COL18A1: variants seen among roughly 807,000 people sequenced by gnomAD.
COL18A1 encodes collagen type XVIII alpha 1 chain, also known as collagen alpha-1(XVIII) chain.
A neutral mutation model predicts 168.0 loss-of-function variants in COL18A1; 133 were observed. The observed-to-expected ratio is 0.79, with a 90% CI of 0.69 to 0.91. The LOEUF (loss-of-function observed/expected upper bound fraction) is 0.91, where lower values mean the gene tolerates loss of function less well. Ranked by LOEUF, COL18A1 falls within the 40% of genes least tolerant of loss-of-function variation. The pLI is 0.00. For synonymous variants in COL18A1, 949 were observed against 809.0 expected (o/e 1.17, Z -2.94); for missense variants, 2,126 against 1,925.4 (o/e 1.10, Z -1.95).
chr21:45,512,603 G>A lies in COL18A1; in HGVS notation c.*205G>A, dbSNP rs2037676719. On this transcript the variant is annotated 3_prime_UTR_variant, in exon 42 of 42. Transcript: ENST00000651438. ...AAGTTTAAAACAGAAGCCTGATGCTGACATTCACCTGCCCCAACTCTCCCC... is the reference window on the plus strand; with the variant it reads ...AAGTTTAAAACAGAAGCCTGATGCTAACATTCACCTGCCCCAACTCTCCCC... The A allele has an allele frequency of 3.2e-6, 2 of 617,150 alleles. No individual in the cohort carries two copies. The highest frequency in any genetic ancestry group is 2.8e-5 in the Admixed American group (1 of 35,224). 38.2% of individuals were successfully genotyped at this position (617,150 alleles called of 1,614,324 possible).
intron 2 of COL18A1, among the ~76,000 whole-genome samples, chr21:45,438,260 A>T (rs868373021): frequency 7.0e-5 from 6 of 85,290 alleles, no homozygotes; most frequent in East Asian, 3.9e-4. Context: ...ACACACACAC[A>T]CTCACACTCA....
At chr21:45,435,019 C>G (rs981612345) in intron 2 of COL18A1, among the ~76,000 whole-genome samples, 2 of 152,078 alleles carry the variant, frequency 1.3e-5, no homozygotes, top group African/African-American at 4.8e-5. Flanking sequence ...GAGGGACGTG[C>G]TCAGTGGGAT....
At chr21:45,429,009 T>G (rs532708403) in intron 2 of COL18A1, among the ~76,000 whole-genome samples, 1 of 152,064 alleles carries the variant, frequency 6.6e-6, no homozygotes, top group East Asian at 1.9e-4. Context: ...TTCAACTGAT[T>G]CTTTTGCCTC....
At chr21:45,436,874 TG>T (rs2034117274) in intron 2 of COL18A1, among the ~76,000 whole-genome samples, 1 of 19,850 alleles carries the variant, frequency 5.0e-5, no homozygotes, top group African/African-American at 2.4e-4. Context: ...AGTTGCTGGC[TG>T]GGGGGCAGCC....
At position 45,482,468 on chromosome 21, in the gene COL18A1, C is replaced by T. The variant is rs116869393; in HGVS notation, c.1675-327C>T. Reference sequence around the variant, plus strand: ...GCACTGCTTTGGACTGAGCAGGGGACGCGGGCTGTAAATGCCCCTCACTGC... The same window carrying T: ...GCACTGCTTTGGACTGAGCAGGGGATGCGGGCTGTAAATGCCCCTCACTGC... On this transcript the variant is annotated intron_variant, in intron 14 of 41. Transcript: ENST00000651438. 5,193 of 555,718 alleles carry T rather than the reference C, an allele frequency of 9.3e-3. 35 individuals are homozygous for T. Among genetic ancestry groups the T allele is most frequent in the Middle Eastern group, 0.03 (78 of 2,586 alleles). 34.4% of individuals were successfully genotyped at this position (555,718 alleles called of 1,614,324 possible).
In COL18A1 at chr21:45,493,526, T is replaced by C. The variant is rs746606931; in HGVS notation, c.2303T>C (p.Ile768Thr). ...GGTGAGAAGGGTGAACCGGGCAGCA[T>C]CTTCAGCCCCGACGGCGGTGCCCTG... ...PKGEKGEPGS[I>T]FSPDGGALGP... The change falls in exon 26 of 42, where the codon ATC becomes ACC. Residue 768 changes from isoleucine to threonine, a missense_variant. Transcript: ENST00000651438. The C allele has an allele frequency of 1.7e-5, 26 of 1,562,256 alleles. No individual in the cohort carries two copies. In the South Asian group the frequency reaches 2.7e-4, roughly 16 times the overall value.
intron 2 of COL18A1, chr21:45,456,380 G>A (rs1568881282): frequency 6.5e-7 from 1 of 1,549,244 alleles, no homozygotes; most frequent in South Asian, 1.2e-5. Context: ...CTTCTCCTCT[G>A]GGCTCCCGGG....
chr21:45,490,654 A>G (rs543570201), intron 20 of COL18A1, among the ~76,000 whole-genome samples, 182 bp from the exon 21 acceptor site: 230 of 107,762 alleles, frequency 2.1e-3, no homozygotes, highest in African/African-American at 7.9e-3. Flanking sequence ...CCGTGTGCCC[A>G]CTCCCGGAGC....
rs1321342796 is a variant in COL18A1, at chr21:45,405,316, CGG to C, written c.12-62_12-61del. On this transcript the variant is annotated intron_variant, in intron 1 of 41. Coordinates refer to ENST00000651438, the MANE Select transcript of COL18A1 (RefSeq NM_001379500.1). ...CGGGGGTCGCGGGGGTCGCGGGGCTCGGCCGGGTCCTGCGGGGGTCGCGGGGG... is the reference window on the plus strand; with the variant it reads ...CGGGGGTCGCGGGGGTCGCGGGGCTCCCGGGTCCTGCGGGGGTCGCGGGGG... The C allele has an allele frequency of 9.6e-6, 9 of 937,370 alleles. No homozygotes were observed. In the African/African-American group the frequency reaches 1.8e-4, roughly 19 times the overall value. 58.1% of individuals were successfully genotyped at this position (937,370 alleles called of 1,614,324 possible).
intron 2 of COL18A1, among the ~76,000 whole-genome samples, chr21:45,451,567 G>A (rs565275208): frequency 3.3e-5 from 5 of 152,324 alleles, no homozygotes; most frequent in African/African-American, 9.6e-5. Context: ...ACTTGTCTGC[G>A]TGGGGTTTGC....
intron 3 of COL18A1, among the ~76,000 whole-genome samples, chr21:45,469,183 C>T (rs2035323396): frequency 6.6e-6 from 1 of 152,238 alleles, no homozygotes. Context: ...AGGCCTGTGC[C>T]AAGCCCTGTG....
Position 45,501,677 on chromosome 21 carries a change from G to A in COL18A1, c.2684-2334G>A, listed in dbSNP as rs941728534. Among the ~76,000 whole-genome samples, 365 of 147,526 alleles carry A rather than the reference G, an allele frequency of 2.5e-3. 1 individual carries two copies. The highest frequency in any genetic ancestry group is 9.0e-3 in the African/African-American group (351 of 38,998). ...CCTCCACAGCCGGTCACCTCCCTCT[G>A]CAGAAGGACCCCCAGGGGCTCCACA... On this transcript the variant is annotated intron_variant, in intron 32 of 41. Coordinates refer to ENST00000651438, the MANE Select transcript of COL18A1 (RefSeq NM_001379500.1).
At position 45,504,414 on chromosome 21, in the gene COL18A1, AG is replaced by A; in HGVS notation, c.2731del. 1 of 1,611,080 alleles carries A rather than the reference AG, an allele frequency of 6.2e-7. No individual in the cohort carries two copies. Among genetic ancestry groups the A allele is most frequent in the Non-Finnish European group, 8.5e-7 (1 of 1,179,030 alleles). On this transcript the variant is annotated splice_acceptor_variant, in intron 33 of 41. Coordinates refer to ENST00000651438, the MANE Select transcript of COL18A1 (RefSeq NM_001379500.1). LOFTEE classifies it high-confidence loss of function. ...CCGTGTAACAAGTGTTTCCGTCCACAGGGGGAGAAGGGAGACCGAGGTGATG... is the reference window on the plus strand; with the variant it reads ...CCGTGTAACAAGTGTTTCCGTCCACAGGGGAGAAGGGAGACCGAGGTGATG...
chr21:45,505,202 C>T lies in COL18A1; in HGVS notation c.2937C>T (p.Gly979=). The T allele has an allele frequency of 6.2e-7, 1 of 1,603,570 alleles. No homozygotes were observed. Among genetic ancestry groups the T allele is most frequent in the South Asian group, 1.1e-5 (1 of 89,972 alleles). The part of the protein sequence containing the change: ...PPGPQGPPGI[G]YEGRQGPPGP... ...GACCTCAGGGACCCCCCGGCATCGGCTACGAGGGGCGCCAGGGCCCTCCCG... is the reference window on the plus strand; with the variant it reads ...GACCTCAGGGACCCCCCGGCATCGGTTACGAGGGGCGCCAGGGCCCTCCCG... Residue 979 remains glycine, a synonymous_variant, in exon 35 of 42, where the codon GGC becomes GGT. Coordinates refer to ENST00000651438, the MANE Select transcript of COL18A1 (RefSeq NM_001379500.1).
chr21:45,476,896 A>G (rs2035687995), intron 6 of COL18A1, among the ~76,000 whole-genome samples: 2 of 145,468 alleles, frequency 1.4e-5, no homozygotes, highest in African/African-American at 2.6e-5. Context: ...TGTAATGTAC[A>G]TGTGTGTGAT....
intron 2 of COL18A1, among the ~76,000 whole-genome samples, chr21:45,442,117 G>C (rs1197428629): frequency 2.0e-5 from 3 of 152,250 alleles, no homozygotes; most frequent in South Asian, 2.1e-4. Context: ...CAGCTCGGCT[G>C]TGCCCTTGAG....
rs764638296 is a variant in COL18A1, at chr21:45,455,812, C to T, written c.107-12430C>T. 4 of 1,613,480 alleles carry T rather than the reference C, an allele frequency of 2.5e-6. No individual in the cohort carries two copies. Among genetic ancestry groups the T allele is most frequent in the Non-Finnish European group, 3.4e-6 (4 of 1,180,030 alleles). The stretch of plus-strand genomic sequence containing the variant: ...TGCTGGAAGATGGCCAGGACACCCC[C>T]ACTTCTGCCGAGAGCCCGGACGCGC... On this transcript the variant is annotated intron_variant, in intron 2 of 41. Transcript: ENST00000651438.
At chr21:45,476,868 ATG>A (rs1018785159) in intron 6 of COL18A1, among the ~76,000 whole-genome samples, 3 of 145,302 alleles carry the variant, frequency 2.1e-5, no homozygotes, top group East Asian at 2.1e-4. Flanking sequence ...TATTGTGTGT[ATG>A]TGTGTGATGT....
chr21:45,511,401 GTCA>G (rs1265963092), intron 41 of COL18A1, among the ~76,000 whole-genome samples, 175 bp downstream of exon 41: 2 of 152,142 alleles, frequency 1.3e-5, no homozygotes, highest in East Asian at 1.9e-4. Context: ...GCTCTGAGAA[GTCA>G]TCATTAGCAA....
Sources: gnomAD v4.1 joint callset for allele counts (sites outside exome capture counted in the v4.1 genomes callset) on GRCh38, gnomAD v4.1.1 for gene constraint, MANE v1.5 for transcripts, NCBI Gene and HGNC (gene_info 2026-07-23, HGNC 2026-07-21) for gene names.